UCP3: variants seen among roughly 807,000 people sequenced by gnomAD.
UCP3 encodes the protein uncoupling protein 3, also known as putative mitochondrial transporter UCP3.
In UCP3, 24 loss-of-function variants were observed where a neutral mutation model predicts 28.1. The observed-to-expected ratio is 0.85, with a 90% CI of 0.62 to 1.20. The LOEUF (loss-of-function observed/expected upper bound fraction) is 1.20, where lower values mean the gene tolerates loss of function less well. Ranked by LOEUF, UCP3 falls within the 50% of genes most tolerant of loss-of-function variation. UCP3 has a pLI of 0.00. For missense variants in UCP3, 397 were observed against 422.2 expected (o/e 0.94, Z 0.52); for synonymous variants, 184 against 171.2 (o/e 1.07, Z -0.59).
At position 74,003,847 on chromosome 11, in the gene UCP3, G is replaced by A; in HGVS notation, c.804C>T (p.Gly268=). ...DCMIKMVAQE[G]PTAFYKGFTP... is the part of the protein sequence containing the mutation. ...CTCACCCCTTGTAGAAGGCTGTGGG[G>A]CCCTCCTGGGCCACCATCTTTATCA... The change falls in exon 6 of 7, where the codon GGC becomes GGT. Residue 268 remains glycine, a synonymous_variant. Transcript: ENST00000314032. The A allele has an allele frequency of 6.2e-7, 1 of 1,609,592 alleles. No homozygotes were observed. Among genetic ancestry groups the A allele is most frequent in the Non-Finnish European group, 8.5e-7 (1 of 1,177,200 alleles).
chr11:74,005,586 G>T, intron 4 of UCP3, 144 bp downstream of exon 4: 1 of 966,288 alleles, frequency 1.0e-6, no homozygotes. Context: ...TGGCAGGTCA[G>T]TGAAGTATCT....
Position 74,005,932 on chromosome 11 carries a change from G to A in UCP3, c.339C>T (p.Asn113=). 6.2e-7 allele frequency: 1 copy of A among 1,614,120 alleles called. No homozygotes were observed. The highest frequency in any genetic ancestry group is 8.5e-7 in the Non-Finnish European group (1 of 1,180,004). ...KQVYTPKGAD[N]SSLTTRILAG... is the part of the protein sequence containing the mutation. ...CCAAAATCCGGGTAGTGAGGCTGGA[G>A]TCTGGGAGGGGCAGAGAGAGTGGGC... The change falls in exon 4 of 7, where the codon AAC becomes AAT. Residue 113 remains asparagine (N), a splice_region_variant and synonymous_variant. Coordinates refer to ENST00000314032, the MANE Select transcript of UCP3 (RefSeq NM_003356.4).
intron 1 of UCP3, 51 bp downstream of exon 1, chr11:74,008,924 AAGG>A (rs1425106071): frequency 2.0e-5 from 3 of 152,444 alleles, no homozygotes; most frequent in Admixed American, 6.5e-5. Context: ...AAGGGAGAAC[AAGG>A]AGAAGGGAGA....
chr11:74,007,062 C>T lies in UCP3; in HGVS notation c.-20G>A. 1 of 1,613,372 alleles carries T rather than the reference C, an allele frequency of 6.2e-7. No individual in the cohort carries two copies. The highest frequency in any genetic ancestry group is 8.5e-7 in the Non-Finnish European group (1 of 1,179,934). On this transcript the variant is annotated 5_prime_UTR_variant, in exon 2 of 7. Transcript: ENST00000314032. ...AACCATAGTCCTGGAAGGCTCTGCC[C>T]AGTCCCTTTAGGGCCGAGAGGAGGT...
rs946959825 is a variant in UCP3 at position 74,001,350 on chromosome 11, C to T, written c.*62G>A. On this transcript the variant is annotated 3_prime_UTR_variant, in exon 7 of 7. Transcript: ENST00000314032. ...TGTGTCCATGTGTGCGTGGATGCAC[C>T]GTTTTCTTCCATTCTTAACTGGTTT... The T allele has an allele frequency of 1.8e-5, 27 of 1,512,854 alleles. No individual in the cohort carries two copies. Among genetic ancestry groups the T allele is most frequent in the African/African-American group, 1.1e-4 (8 of 72,878 alleles). 93.7% of individuals were successfully genotyped at this position (1,512,854 alleles called of 1,614,324 possible).
At position 74,008,250 on chromosome 11, in the gene UCP3, C is replaced by T. The variant is rs538034037; in HGVS notation, c.-96+728G>A. 1.3e-4 allele frequency among the ~76,000 whole-genome samples: 20 copies of T among 152,288 alleles called. No homozygotes were observed. The South Asian group carries it at 3.7e-3, about 28-fold the overall frequency. On this transcript the variant is annotated intron_variant, in intron 1 of 6. Coordinates refer to ENST00000314032, the MANE Select transcript of UCP3 (RefSeq NM_003356.4). ...TCACTGCCCAGAGAGTCTCAGACTTCAGGGAGAGCCAAGGATCCCTTGAGC... is the reference window on the plus strand; with the variant it reads ...TCACTGCCCAGAGAGTCTCAGACTTTAGGGAGAGCCAAGGATCCCTTGAGC...
intron 4 of UCP3, among the ~76,000 whole-genome samples, chr11:74,005,124 C>T (rs1951652044): frequency 6.6e-6 from 1 of 152,214 alleles, no homozygotes. Context: ...TGCAAACGTT[C>T]CTGCAACCTC....
At chr11:74,001,574 C>T (rs1951622142) in intron 6 of UCP3, 48 bp from the exon 7 acceptor site, 1 of 1,541,016 alleles carries the variant, frequency 6.5e-7, no homozygotes, top group Non-Finnish European at 9.0e-7. Flanking sequence ...TAGGGGACCA[C>T]AACAGATGCG....
chr11:74,006,419 G>T, intron 2 of UCP3, 40 bp from the exon 3 acceptor site: 1 of 1,486,746 alleles, frequency 6.7e-7, no homozygotes, highest in Non-Finnish European at 8.9e-7. Context: ...CAGATGGGAA[G>T]GCAAGAAGGG....
rs748364818 is a variant in UCP3 at position 74,003,876 on chromosome 11, A to C, written c.775T>G (p.Cys259Gly). The C allele has an allele frequency of 6.2e-7, 1 of 1,613,814 alleles. No homozygotes were observed. Among genetic ancestry groups the C allele is most frequent in the Non-Finnish European group, 8.5e-7 (1 of 1,179,898 alleles). The change falls in exon 6 of 7, where the codon TGT becomes GGT. Residue 259 changes from cysteine to glycine, a missense_variant. By Grantham distance (159) the Cys-to-Gly change is radical. Transcript: ENST00000314032. ...TCCTGGGCCACCATCTTTATCATAC[A>C]GTCGAGGGGGCTGAAGTACTGGCCT... ...PPGQYFSPLD[C>G]MIKMVAQEGP...
At chr11:74,006,435 G>A (rs912030114) in intron 2 of UCP3, 56 bp from the exon 3 acceptor site, 200 of 1,460,356 alleles carry the variant, frequency 1.4e-4, no homozygotes, top group Non-Finnish European at 1.6e-4. Context: ...AAGGGGCTGC[G>A]TGCACAGGAA....
chr11:74,002,501 G>T (rs1235840767), intron 6 of UCP3, among the ~76,000 whole-genome samples: 1 of 152,150 alleles, frequency 6.6e-6, no homozygotes, highest in Non-Finnish European at 1.5e-5. Flanking sequence ...TCTGTAAAAT[G>T]AGGAAAATAA....
intron 6 of UCP3, chr11:74,001,938 G>A: frequency 3.7e-6 from 1 of 270,666 alleles, no homozygotes; most frequent in Non-Finnish European, 7.2e-6. Context: ...TTACACCCCG[G>A]GTGGCCAGCC....
Position 74,003,932 on chromosome 11 carries a change from A to C in UCP3, c.719T>G (p.Val240Gly), listed in dbSNP as rs747092904. 1 of 1,614,138 alleles carries C rather than the reference A, an allele frequency of 6.2e-7. No individual in the cohort carries two copies. The highest frequency in any genetic ancestry group is 1.1e-5 in the South Asian group (1 of 91,084). ...TGAGTTCATATACCGGGTCTTCACC[A>C]CGTCCACCGGGGAGGCCACCACTGT... ...CATVVASPVD[V>G]VKTRYMNSPP... Residue 240 changes from valine to glycine, a missense_variant, in exon 6 of 7, where the codon GTG (valine) becomes GGG (glycine). Coordinates refer to ENST00000314032, the MANE Select transcript of UCP3 (RefSeq NM_003356.4).
At chr11:74,002,994 C>T (rs1017986551) in intron 6 of UCP3, 2 of 960,456 alleles carry the variant, frequency 2.1e-6, no homozygotes, top group African/African-American at 3.5e-5. Context: ...CCATTTTAAC[C>T]TGTGATCTTG....
rs142952570 is a variant in UCP3 at position 74,006,222 on chromosome 11, C to T, written c.284G>A (p.Arg95His). ...LQRQMSFASI[R>H]IGLYDSVKQV... ...CTTGACGGAGTCATAGAGGCCGATGCGGATGGAGGCGAAGCTCATCTGGCG... is the reference window on the plus strand; with the variant it reads ...CTTGACGGAGTCATAGAGGCCGATGTGGATGGAGGCGAAGCTCATCTGGCG... Residue 95 changes from arginine (R) to histidine (H), a missense_variant, in exon 3 of 7, where the codon CGC becomes CAC. Physicochemically the swap from Arg to His is conservative, Grantham distance 29. Coordinates refer to ENST00000314032, the MANE Select transcript of UCP3 (RefSeq NM_003356.4). 1.6e-3 allele frequency: 2,588 copies of T among 1,614,098 alleles called. 3 individuals carry two copies. Among genetic ancestry groups the T allele is most frequent in the Non-Finnish European group, 2.1e-3 (2,459 of 1,180,038 alleles).
intron 6 of UCP3, chr11:74,002,918 T>C (rs1302080743): frequency 1.0e-6 from 1 of 985,308 alleles, no homozygotes; most frequent in East Asian, 1.1e-4. Context: ...GCTAAGAGCT[T>C]ACCAGTAGGA....
At chr11:74,008,127 G>A (rs1381517265) in intron 1 of UCP3, among the ~76,000 whole-genome samples, 2 of 152,164 alleles carry the variant, frequency 1.3e-5, no homozygotes, top group Non-Finnish European at 2.9e-5. Context: ...CGTAAACCAG[G>A]GACCTGAGGC....
intron 6 of UCP3, 101 bp from the exon 7 acceptor site, chr11:74,001,627 C>CG: frequency 9.9e-7 from 1 of 1,005,068 alleles, no homozygotes; most frequent in Non-Finnish European, 1.6e-6. Flanking sequence ...AGGATCCAGA[C>CG]TTCTGTTCAT....
Sources: gnomAD v4.1 joint callset for allele counts (sites outside exome capture counted in the v4.1 genomes callset) on GRCh38, gnomAD v4.1.1 for gene constraint, MANE v1.5 for transcripts, NCBI Gene and HGNC (gene_info 2026-07-23, HGNC 2026-07-21) for gene names.